KIRREL3: variants seen among roughly 807,000 people sequenced by gnomAD.
The protein encoded by KIRREL3 is kirre like nephrin family adhesion molecule 3, also known as kin of IRRE-like protein 3.
In KIRREL3, 36 loss-of-function variants were observed where a neutral mutation model predicts 89.7. The observed-to-expected ratio is 0.40, with a 90% CI of 0.31 to 0.53. The LOEUF (loss-of-function observed/expected upper bound fraction) is 0.53. Among genes scored for constraint, KIRREL3 ranks in the 20% least tolerant of loss-of-function variants. The pLI is 0.49. For synonymous variants in KIRREL3, 445 were observed against 441.4 expected, an observed-to-expected ratio of 1.01 and a Z score of -0.10; for missense variants, 864 against 1,056.6, an observed-to-expected ratio of 0.82 and a Z score of 2.53.
At chr11:126,875,330 G>A (rs1300116644) in intron 1 of KIRREL3, among the ~76,000 whole-genome samples, 1 of 152,184 alleles carries the variant, frequency 6.6e-6, no homozygotes, top group Non-Finnish European at 1.5e-5. Flanking sequence ...GAGACATAAT[G>A]TGGGGAATGA....
intron 4 of KIRREL3, among the ~76,000 whole-genome samples, chr11:126,506,262 G>C (rs1958010209): frequency 6.6e-6 from 1 of 152,110 alleles, no homozygotes; most frequent in Non-Finnish European, 1.5e-5. Flanking sequence ...AACTGAACTT[G>C]ATTAAAATTA....
At chr11:126,707,246 CTTTTT>C (rs33983436) in intron 1 of KIRREL3, among the ~76,000 whole-genome samples, 1 of 112,598 alleles carries the variant, frequency 8.9e-6, no homozygotes, top group African/African-American at 3.2e-5. Flanking sequence ...TTGTCCATGG[CTTTTT>C]TTTTTTTTTT....
At chr11:126,658,692 G>A (rs1483491120) in intron 1 of KIRREL3, among the ~76,000 whole-genome samples, 2 of 152,104 alleles carry the variant, frequency 1.3e-5, no homozygotes, top group South Asian at 2.1e-4. Context: ...TGTCTTTAAG[G>A]TGCCATATCA....
intron 5 of KIRREL3, among the ~76,000 whole-genome samples, chr11:126,466,059 C>T (rs958675524): frequency 7.2e-5 from 11 of 152,094 alleles, no homozygotes; most frequent in African/African-American, 1.9e-4. Flanking sequence ...GGGCTCTGGG[C>T]GGTGGGTGCC....
Position 126,555,744 on chromosome 11 carries a change from A to AC in KIRREL3, c.133+7090_133+7091insG, listed in dbSNP as rs1939659329. ...TGTAGAACATGCTAACAATGTGAGC[A>AC]TTTTTTTTTTTTTTGAGACGGAGTC... is the stretch of plus-strand genomic sequence containing the variant. On this transcript the variant is annotated intron_variant, in intron 2 of 16. Transcript: ENST00000525144. The surrounding 1 kb of genome is among the most constrained non-coding windows in gnomAD (Gnocchi z 4.2). 1.4e-5 allele frequency among the ~76,000 whole-genome samples: 2 copies of AC among 145,578 alleles called. No homozygotes were observed. Among genetic ancestry groups the AC allele is most frequent in the African/African-American group, 2.5e-5 (1 of 39,536 alleles).
chr11:126,994,839 A>G lies in KIRREL3; in HGVS notation c.55+5616T>C, dbSNP rs1950132948. Among the ~76,000 whole-genome samples the G allele has an allele frequency of 6.6e-6, 1 of 152,130 alleles. No homozygotes were observed. Among genetic ancestry groups the G allele is most frequent in the African/African-American group, 2.4e-5 (1 of 41,432 alleles). ...GAAGCCCTTCCGTGCTTCATAATAAAGCTTTGGCAGATGGCAGGACATAGC... is the reference window on the plus strand; with the variant it reads ...GAAGCCCTTCCGTGCTTCATAATAAGGCTTTGGCAGATGGCAGGACATAGC... On this transcript the variant is annotated intron_variant, in intron 1 of 16. Transcript: ENST00000525144. This position sits in a 1 kb window ranked among gnomAD's most constrained non-coding sequence, Gnocchi z 5.2.
rs1386306387 is a variant in KIRREL3 at position 126,755,842 on chromosome 11, A to G, written c.56-192930T>C. On this transcript the variant is annotated intron_variant, in intron 1 of 16. Transcript: ENST00000525144. This position sits in a 1 kb window ranked among gnomAD's most constrained non-coding sequence, Gnocchi z 4.3. The stretch of plus-strand genomic sequence containing the variant: ...TTCAGGCAGAGAGAGAGAGAGAGAG[A>G]GAGAGAGAGAGAGGGAGAGAGGGAG... Among the ~76,000 whole-genome samples the G allele has an allele frequency of 2.8e-5, 4 of 141,726 alleles. No individual in the cohort carries two copies. Among genetic ancestry groups the G allele is most frequent in the Non-Finnish European group, 6.1e-5 (4 of 65,812 alleles). The allele number at this position is 141,726 out of a possible 152,430, so 93.0% of individuals were successfully genotyped here.
intron 1 of KIRREL3, among the ~76,000 whole-genome samples, chr11:126,786,052 A>AAATCTGT (rs1950479116): frequency 6.6e-6 from 1 of 152,174 alleles, no homozygotes; most frequent in Admixed American, 6.5e-5. Context: ...AGCACTAAAA[A>AAATCTGT]AATCTGTGAG....
intron 16 of KIRREL3, 123 bp downstream of exon 16, chr11:126,425,515 A>G: frequency 1.2e-6 from 1 of 859,004 alleles, no homozygotes; most frequent in Non-Finnish European, 1.8e-6. Flanking sequence ...CCTGCCACCA[A>G]GCTGGCCTCT....
At chr11:126,895,649 C>A (rs924211780) in intron 1 of KIRREL3, among the ~76,000 whole-genome samples, 4 of 152,074 alleles carry the variant, frequency 2.6e-5, no homozygotes, top group African/African-American at 7.2e-5. Context: ...AGGTCTTAGA[C>A]CCAGCAAGGG....
Position 126,424,939 on chromosome 11 carries a change from C to A in KIRREL3, c.1978G>T (p.Asp660Tyr), listed in dbSNP as rs759935395. ...CGCTGCTTGCCCGCAGGACGCAGGT[C>A]GGGCTGGCAGCTGGAGAGGGAGATG... ...PTISLSSCQP[D>Y]LRPAGKQRVP... The change falls in exon 17 of 17, where the codon GAC becomes TAC. Residue 660 changes from aspartate (D) to tyrosine (Y), a missense_variant. Coordinates refer to ENST00000525144, the MANE Select transcript of KIRREL3 (RefSeq NM_032531.4). 1.3e-6 allele frequency: 2 copies of A among 1,598,886 alleles called. No individual in the cohort carries two copies. Among genetic ancestry groups the A allele is most frequent in the Non-Finnish European group, 1.7e-6 (2 of 1,169,454 alleles).
chr11:126,686,870 T>C lies in KIRREL3; in HGVS notation c.56-123958A>G, dbSNP rs1333455303. ...CCAGGATTACAGGTGTGAGCCACCA[T>C]GCCTGGATCCTACACTGAATTTTGA... On this transcript the variant is annotated intron_variant, in intron 1 of 16. Coordinates refer to ENST00000525144, the MANE Select transcript of KIRREL3 (RefSeq NM_032531.4). This position sits in a 1 kb window ranked among gnomAD's most constrained non-coding sequence, Gnocchi z 4.7. 6.6e-6 allele frequency among the ~76,000 whole-genome samples: 1 copy of C among 152,218 alleles called. No individual in the cohort carries two copies. The highest frequency in any genetic ancestry group is 6.5e-5 in the Admixed American group (1 of 15,278).
At chr11:126,756,630 A>G (rs1178939657) in intron 1 of KIRREL3, among the ~76,000 whole-genome samples, 1 of 152,246 alleles carries the variant, frequency 6.6e-6, no homozygotes, top group Non-Finnish European at 1.5e-5. Flanking sequence ...CAGTAGTTAC[A>G]TGCAACAGGT....
At chr11:126,603,557 G>A (rs1381057785) in intron 1 of KIRREL3, among the ~76,000 whole-genome samples, 1 of 152,244 alleles carries the variant, frequency 6.6e-6, no homozygotes, top group Non-Finnish European at 1.5e-5. Flanking sequence ...CTCACCTCCT[G>A]ACCCTGTCTC....
rs1378775368 is a variant in KIRREL3, at chr11:126,906,916, A to C, written c.55+93539T>G. ...TTTTTCTGTGTAATTCCATTTGATA[A>C]AGAAAAAGCATTTAGAAAGGTTCAT... On this transcript the variant is annotated intron_variant, in intron 1 of 16. Transcript: ENST00000525144. This position sits in a 1 kb window ranked among gnomAD's most constrained non-coding sequence, Gnocchi z 4.1. Among the ~76,000 whole-genome samples the C allele has an allele frequency of 2.0e-5, 3 of 152,178 alleles. No individual in the cohort carries two copies. The highest frequency in any genetic ancestry group is 6.5e-5 in the Admixed American group (1 of 15,282).
rs1946578306 is a variant in KIRREL3 at position 126,684,136 on chromosome 11, C to G, written c.56-121224G>C. ...CACCTTGGGCAGGGCTGCCCAGAGCCCTGGAACTGGACTCTCCCTGTGCAG... is the reference window on the plus strand; with the variant it reads ...CACCTTGGGCAGGGCTGCCCAGAGCGCTGGAACTGGACTCTCCCTGTGCAG... On this transcript the variant is annotated intron_variant, in intron 1 of 16. Transcript: ENST00000525144. The surrounding 1 kb of genome is among the most constrained non-coding windows in gnomAD (Gnocchi z 4.2). Among the ~76,000 whole-genome samples the G allele has an allele frequency of 6.6e-6, 1 of 152,188 alleles. No homozygotes were observed. Among genetic ancestry groups the G allele is most frequent in the Non-Finnish European group, 1.5e-5 (1 of 68,032 alleles).
chr11:126,635,807 A>G lies in KIRREL3; in HGVS notation c.56-72895T>C, dbSNP rs1396497171. 6.6e-6 allele frequency among the ~76,000 whole-genome samples: 1 copy of G among 152,248 alleles called. No homozygotes were observed. The highest frequency in any genetic ancestry group is 1.5e-5 in the Non-Finnish European group (1 of 68,040). Reference sequence around the variant, plus strand: ...AAGAGGCGATTGGTATAAAAATACCAGGTAAAAGGCAGAGTGTGTCCCATG... The same window carrying G: ...AAGAGGCGATTGGTATAAAAATACCGGGTAAAAGGCAGAGTGTGTCCCATG... On this transcript the variant is annotated intron_variant, in intron 1 of 16. Coordinates refer to ENST00000525144, the MANE Select transcript of KIRREL3 (RefSeq NM_032531.4). The surrounding 1 kb of genome is among the most constrained non-coding windows in gnomAD (Gnocchi z 4.0).
At chr11:126,893,459 C>T (rs1186669855) in intron 1 of KIRREL3, among the ~76,000 whole-genome samples, 1 of 152,184 alleles carries the variant, frequency 6.6e-6, no homozygotes, top group Non-Finnish European at 1.5e-5. Context: ...CGTGGGGATG[C>T]CCCTGTTTCC....
intron 1 of KIRREL3, chr11:126,935,435 T>C (rs1022147784): frequency 3.3e-5 from 5 of 152,232 alleles, no homozygotes; most frequent in Non-Finnish European, 7.3e-5. Flanking sequence ...CAGATGTTTA[T>C]AGTATTTTCA....
Sources: allele counts gnomAD v4.1 joint callset (sites outside exome capture counted in the v4.1 genomes callset), GRCh38; gene constraint gnomAD v4.1.1; non-coding constraint Gnocchi (gnomAD v3.1); transcripts MANE v1.5; gene names NCBI Gene and HGNC (gene_info 2026-07-23, HGNC 2026-07-21).